Variants in PABPC4L observed in about 807,000 individuals in gnomAD.
PABPC4L encodes the protein polyadenylate-binding protein 4-like.
For synonymous variants in PABPC4L, 169 were observed against 164.1 expected (o/e 1.03, Z -0.23); for missense variants, 452 against 451.4 (o/e 1.00, Z -0.01).
At chr4:134,195,124 T>C (rs1416694878), downstream of PABPC4L, among the ~76,000 whole-genome samples, 2 of 151,770 alleles carry the variant, frequency 1.3e-5, no homozygotes, top group Non-Finnish European at 3.0e-5. Context: ...AGGCTTCTAA[T>C]GCTTCCTATG....
chr4:133,952,112 G>A, the PABPC4L span, among the ~76,000 whole-genome samples: 7 of 152,026 alleles, frequency 4.6e-5, no homozygotes, highest in African/African-American at 1.2e-4. Context: ...TCTTTCCCCC[G>A]AAATTAGAAG....
the PABPC4L span, among the ~76,000 whole-genome samples, chr4:134,005,020 G>T: frequency 2.6e-5 from 4 of 151,734 alleles, no homozygotes; most frequent in Non-Finnish European, 5.9e-5. Flanking sequence ...TTAGACAAGA[G>T]AAATAAATTC....
At chr4:134,119,657 G>A in the PABPC4L span, among the ~76,000 whole-genome samples, 37,546 of 151,262 alleles carry the variant, frequency 0.25, 4,988 homozygotes, top group Admixed American at 0.28. Context: ...AAACACACCT[G>A]GTAGGTGTCA....
At chr4:134,076,227 G>T in the PABPC4L span, among the ~76,000 whole-genome samples, 44 of 152,160 alleles carry the variant, frequency 2.9e-4, no homozygotes, top group Admixed American at 3.9e-4. Context: ...AGGAAAAAGG[G>T]TCTGAAAGTT....
At chr4:134,038,403 G>T in the PABPC4L span, among the ~76,000 whole-genome samples, 1 of 152,134 alleles carries the variant, frequency 6.6e-6, no homozygotes, top group Non-Finnish European at 1.5e-5. Context: ...AATGGCACCA[G>T]CTCCTCTTTG....
chr4:133,999,029 A>C, the PABPC4L span, among the ~76,000 whole-genome samples: 1 of 151,900 alleles, frequency 6.6e-6, no homozygotes, highest in Non-Finnish European at 1.5e-5. Flanking sequence ...TATCTTTCTT[A>C]TCTCTTAAGG....
the PABPC4L span, among the ~76,000 whole-genome samples, chr4:134,142,959 G>A: frequency 1.3e-5 from 2 of 151,502 alleles, no homozygotes; most frequent in Non-Finnish European, 3.0e-5. Context: ...ATGGGGCCTT[G>A]TCTAGTCTAG....
At chr4:133,986,771 T>C in the PABPC4L span, among the ~76,000 whole-genome samples, 1 of 151,458 alleles carries the variant, frequency 6.6e-6, no homozygotes, top group Admixed American at 6.6e-5. Flanking sequence ...AGTCTTACTC[T>C]GTCACCCAGG....
the PABPC4L span, among the ~76,000 whole-genome samples, chr4:133,974,917 C>A: frequency 8.5e-5 from 13 of 152,114 alleles, no homozygotes; most frequent in African/African-American, 3.1e-4. Context: ...GATTATACAG[C>A]CTCTTTGGAA....
chr4:134,175,748 C>T, the PABPC4L span, among the ~76,000 whole-genome samples: 1 of 152,128 alleles, frequency 6.6e-6, no homozygotes, highest in Admixed American at 6.6e-5. Flanking sequence ...TGTGCCTGGT[C>T]TGATCTGACA....
chr4:134,123,503 C>A, the PABPC4L span, among the ~76,000 whole-genome samples: 5 of 152,030 alleles, frequency 3.3e-5, no homozygotes, highest in African/African-American at 4.8e-5. Flanking sequence ...CTGCAAACAA[C>A]TGTGAAAGTG....
At chr4:133,965,831 C>T in the PABPC4L span, among the ~76,000 whole-genome samples, 1 of 152,090 alleles carries the variant, frequency 6.6e-6, no homozygotes, top group Non-Finnish European at 1.5e-5. Context: ...CAAGATGGAT[C>T]AATGACTTAA....
At chr4:134,151,423 C>T in the PABPC4L span, among the ~76,000 whole-genome samples, 7 of 151,992 alleles carry the variant, frequency 4.6e-5, no homozygotes, top group East Asian at 1.9e-4. Context: ...TTCATCAAAA[C>T]GATCATATTA....
At chr4:133,992,517 G>C in the PABPC4L span, among the ~76,000 whole-genome samples, 3 of 152,080 alleles carry the variant, frequency 2.0e-5, no homozygotes, top group Non-Finnish European at 4.4e-5. Flanking sequence ...GTTTTACCTG[G>C]CACCTTAGTC....
chr4:134,089,177 T>C, the PABPC4L span, among the ~76,000 whole-genome samples: 1 of 152,184 alleles, frequency 6.6e-6, no homozygotes, highest in Non-Finnish European at 1.5e-5. Flanking sequence ...AAGCAATTTT[T>C]GTAAATGTTT....
the PABPC4L span, among the ~76,000 whole-genome samples, chr4:134,020,827 T>C: frequency 6.7e-3 from 1,013 of 152,244 alleles, 10 homozygotes; most frequent in African/African-American, 0.023. Context: ...TAGGTATGGG[T>C]ATATAATCTC....
the PABPC4L span, among the ~76,000 whole-genome samples, chr4:133,956,485 C>T: frequency 7.1e-4 from 108 of 152,198 alleles, no homozygotes; most frequent in South Asian, 2.3e-3. Context: ...AAGTTACCCC[C>T]AAATATGGTA....
chr4:134,008,094 TC>T, the PABPC4L span, among the ~76,000 whole-genome samples: 1 of 151,768 alleles, frequency 6.6e-6, no homozygotes, highest in Non-Finnish European at 1.5e-5. Context: ...TGCTCTCCAC[TC>T]TTAAGTTAAA....
At chr4:133,972,557 G>A in the PABPC4L span, among the ~76,000 whole-genome samples, 6 of 152,146 alleles carry the variant, frequency 3.9e-5, no homozygotes, top group South Asian at 6.2e-4. Flanking sequence ...TTCATGTTTC[G>A]TGGTGATGAT....
Sources: allele counts gnomAD v4.1 joint callset (sites outside exome capture counted in the v4.1 genomes callset), GRCh38; gene constraint gnomAD v4.1.1; transcripts MANE v1.5; gene names NCBI Gene and HGNC (gene_info 2026-07-23, HGNC 2026-07-21).